The following AK6 variants were observed in gnomAD, a reference collection of about 807,000 sequenced individuals.
AK6 encodes the protein adenylate kinase isoenzyme 6.
A neutral mutation model predicts 23.7 loss-of-function variants in AK6; 24 were observed. That is an observed-to-expected ratio of 1.01 (90% CI 0.73 to 1.43). The LOEUF (loss-of-function observed/expected upper bound fraction) is 1.43. Ranked by LOEUF, AK6 falls within the 40% of genes most tolerant of loss-of-function variation. AK6 has a pLI of 0.00. For missense variants in AK6, 191 were observed against 199.1 expected, an observed-to-expected ratio of 0.96 and a Z score of 0.24; for synonymous variants, 73 against 69.8, an observed-to-expected ratio of 1.05 and a Z score of -0.23.
chr5:69,363,842 C>G (rs992615992), intron 2 of AK6, among the ~76,000 whole-genome samples: 1 of 150,554 alleles, frequency 6.6e-6, no homozygotes, highest in African/African-American at 2.4e-5. Flanking sequence ...AATCCCAGCA[C>G]TCTGGGAGGC....
chr5:69,361,509 G>C (rs1762236030), intron 2 of AK6, among the ~76,000 whole-genome samples: 1 of 151,858 alleles, frequency 6.6e-6, no homozygotes, highest in Admixed American at 6.6e-5. Flanking sequence ...CATGATCTCG[G>C]TTCACTGCAA....
chr5:69,356,018 A>C, intron 2 of AK6, 65 bp from the exon 3 acceptor site: 1 of 1,358,368 alleles, frequency 7.4e-7, no homozygotes, highest in Non-Finnish European at 1.0e-6. Flanking sequence ...TTTTCAATTA[A>C]TTCTAGACTT....
chr5:69,369,821 C>A, upstream of AK6: 1 of 1,043,760 alleles, frequency 9.6e-7, no homozygotes, highest in Non-Finnish European at 1.4e-6. Flanking sequence ...GGAGGCCGTA[C>A]CTCCGAGAGG....
intron 2 of AK6, 121 bp from the exon 3 acceptor site, chr5:69,356,074 G>T: frequency 1.3e-6 from 1 of 760,204 alleles, no homozygotes; most frequent in Non-Finnish European, 2.1e-6. Context: ...ATACAAGGGT[G>T]GATACTAACA....
intron 2 of AK6, among the ~76,000 whole-genome samples, chr5:69,356,411 A>AG (rs34525896): frequency 0.85 from 129,559 of 151,748 alleles, 56,520 homozygotes; most frequent in Non-Finnish European, 0.95. Context: ...ATCCCAGCCC[A>AG]TACGAGGTAG....
In AK6 at chr5:69,352,873, TA is replaced by T. The variant is rs147599134; in HGVS notation, c.327-621del. 4.7e-3 allele frequency among the ~76,000 whole-genome samples: 723 copies of T among 152,302 alleles called. 6 individuals carry two copies. Among genetic ancestry groups the T allele is most frequent in the African/African-American group, 0.016 (664 of 41,548 alleles). On this transcript the variant is annotated intron_variant, in intron 4 of 4. Transcript: ENST00000380822. ...AGGGTCAAATACAAAGTTTCCATAT[TA>T]CCCAGCAATTCAATTCCTAGATATA...
chr5:69,355,901 T>G lies in AK6; in HGVS notation c.174A>C (p.Glu58Asp), dbSNP rs778509085. ...DEEYDCPILD[E>D]DRVVDELDNQ... ...ATGAAAAAGTCATACTTACTCTGTC[T>G]TCATCTAAAATGGGACAGTCATACT... The change falls in exon 3 of 5, where the codon GAA becomes GAC. Residue 58 changes from glutamate (E) to aspartate (D), a missense_variant. By Grantham distance (45) the Glu-to-Asp change is conservative. Transcript: ENST00000380822. The G allele has an allele frequency of 1.9e-6, 3 of 1,609,960 alleles. No homozygotes were observed. In the African/African-American group the frequency reaches 4.0e-5, roughly 22 times the overall value.
At chr5:69,353,956 G>A (rs1395978159) in intron 4 of AK6, among the ~76,000 whole-genome samples, 1 of 151,268 alleles carries the variant, frequency 6.6e-6, no homozygotes, top group African/African-American at 2.4e-5. Context: ...TTTTTGTAGA[G>A]ACCAAGGTCT....
chr5:69,353,932 G>C (rs905549613), intron 4 of AK6, among the ~76,000 whole-genome samples: 2 of 55,396 alleles, frequency 3.6e-5, no homozygotes, highest in Non-Finnish European at 5.4e-5. Context: ...ACCACACTTG[G>C]CTAAATTTTT....
intron 4 of AK6, 51 bp downstream of exon 4, chr5:69,355,598 G>T: frequency 6.6e-7 from 1 of 1,509,374 alleles, no homozygotes. Flanking sequence ...TCAGAAATCT[G>T]AATAAAAGTT....
chr5:69,357,813 T>C (rs1410977805), intron 2 of AK6, among the ~76,000 whole-genome samples: 1 of 152,126 alleles, frequency 6.6e-6, no homozygotes, highest in African/African-American at 2.4e-5. Context: ...ATAAAAAATG[T>C]TGAACAATAA....
intron 4 of AK6, among the ~76,000 whole-genome samples, chr5:69,353,552 T>C (rs898944239): frequency 1.3e-5 from 2 of 152,000 alleles, no homozygotes; most frequent in Non-Finnish European, 2.9e-5. Context: ...CACCTTGGCC[T>C]CCCAAAGTGC....
At chr5:69,365,601 T>A (rs200198878) in intron 2 of AK6, 2 of 1,614,172 alleles carry the variant, frequency 1.2e-6, no homozygotes, top group African/African-American at 2.7e-5. Context: ...TGTGGTCACA[T>A]ATCGGAAGGC....
chr5:69,354,291 A>T (rs1388668034), intron 4 of AK6, among the ~76,000 whole-genome samples: 1 of 152,174 alleles, frequency 6.6e-6, no homozygotes, highest in Non-Finnish European at 1.5e-5. Context: ...CTCTGCCCCA[A>T]AACTTTTAAT....
intron 1 of AK6, chr5:69,369,182 A>G: frequency 2.0e-6 from 1 of 501,474 alleles, no homozygotes; most frequent in Non-Finnish European, 3.5e-6. Context: ...AGAAAGACTA[A>G]GCAGGTTGCC....
intron 2 of AK6, chr5:69,365,448 C>T (rs1762380310): frequency 6.2e-7 from 1 of 1,614,136 alleles, no homozygotes; most frequent in African/African-American, 1.3e-5. Context: ...ATTTCTTTGC[C>T]TTGCAATATC....
upstream of AK6, chr5:69,369,615 C>G: frequency 6.3e-7 from 1 of 1,575,958 alleles, no homozygotes; most frequent in Non-Finnish European, 8.6e-7. Flanking sequence ...ACCGCGGCGC[C>G]CCTAGCCTGC....
chr5:69,360,033 G>A (rs1762187975), intron 2 of AK6, among the ~76,000 whole-genome samples: 1 of 152,216 alleles, frequency 6.6e-6, no homozygotes, highest in South Asian at 2.1e-4. Context: ...AGTGAGAACA[G>A]GGTATGATGG....
At position 69,358,246 on chromosome 5, in the gene AK6, G is replaced by A. The variant is rs141861153; in HGVS notation, c.122-2293C>T. On this transcript the variant is annotated intron_variant, in intron 2 of 4. Transcript: ENST00000380822. ...TGACTTTTAAAAGATGACTCTGGCC[G>A]GTGCGGTGGCTCATGCCTGTAATTC... Among the ~76,000 whole-genome samples, 36 of 152,142 alleles carry A rather than the reference G, an allele frequency of 2.4e-4. No individual in the cohort carries two copies. The East Asian group carries it at 4.1e-3, about 17-fold the overall frequency.
Sources: gnomAD v4.1 joint callset for allele counts (sites outside exome capture counted in the v4.1 genomes callset) on GRCh38, gnomAD v4.1.1 for gene constraint, MANE v1.5 for transcripts, NCBI Gene and HGNC (gene_info 2026-07-23, HGNC 2026-07-21) for gene names.